The following PFKFB3 variants were observed in gnomAD, a reference collection of about 807,000 sequenced individuals.
PFKFB3 encodes 6-phosphofructo-2-kinase/fructose-2,6-bisphosphatase 3.
A neutral mutation model predicts 68.0 loss-of-function variants in PFKFB3; 33 were observed. That is an observed-to-expected ratio of 0.49 (90% CI 0.37 to 0.65). The LOEUF is 0.65. PFKFB3 is among the 30% of genes least tolerant of loss of function. PFKFB3 has a pLI of 0.00. For missense variants in PFKFB3, 586 were observed against 712.2 expected, an observed-to-expected ratio of 0.82 and a Z score of 2.02; for synonymous variants, 315 against 288.2, an observed-to-expected ratio of 1.09 and a Z score of -0.94.
rs12259164 is a variant in PFKFB3 at position 6,223,778 on chromosome 10, T to C, written c.1214-180T>C. Among the ~76,000 whole-genome samples, 957 of 152,280 alleles carry C rather than the reference T, an allele frequency of 6.3e-3. 7 individuals carry two copies. The highest frequency in any genetic ancestry group is 0.022 in the African/African-American group (920 of 41,574). On this transcript the variant is annotated intron_variant, in intron 11 of 14. Transcript: ENST00000379775. ...ATTATACGCATGTGCTACCACACCC[T>C]GGCTAATTTTGTATTTTTAGTAGAG...
chr10:6,226,874 A>G (rs1467347993), intron 14 of PFKFB3, among the ~76,000 whole-genome samples: 4 of 152,136 alleles, frequency 2.6e-5, no homozygotes, highest in Non-Finnish European at 4.4e-5. Flanking sequence ...TCACCTGAGG[A>G]CAAGAGTTCC....
the PFKFB3 span, among the ~76,000 whole-genome samples, chr10:6,321,507 C>T: frequency 6.6e-6 from 1 of 152,126 alleles, no homozygotes; most frequent in Non-Finnish European, 1.5e-5. Flanking sequence ...TTCCCTAAAC[C>T]CCAGCCATTG....
At chr10:6,156,161 G>GTGTA (rs1841784376) in intron 1 of PFKFB3, among the ~76,000 whole-genome samples, 1 of 148,318 alleles carries the variant, frequency 6.7e-6, no homozygotes, top group Non-Finnish European at 1.5e-5. Flanking sequence ...GTGTGTGTGT[G>GTGTA]TGTATTTTTA....
intron 1 of PFKFB3, among the ~76,000 whole-genome samples, chr10:6,184,669 A>G (rs1013027946): frequency 1.3e-5 from 2 of 149,718 alleles, no homozygotes; most frequent in African/African-American, 4.9e-5. Flanking sequence ...CGGGGGTTTT[A>G]CCACGTTGGC....
chr10:6,281,180 T>TATATATATATATATATATATAC, the PFKFB3 span, among the ~76,000 whole-genome samples: 8 of 133,368 alleles, frequency 6.0e-5, no homozygotes, highest in African/African-American at 1.8e-4. Flanking sequence ...TATATATATA[T>TATATATATATATATATATATAC]ATACACCACA....
In PFKFB3 at chr10:6,151,243, A is replaced by G. The variant is rs751875141; in HGVS notation, c.16+6230A>G. ...AGGGGGCGTGGCCCCAGGAGCATCC[A>G]AGGTTCTGGTTGGGGCAGCCACAAG... On this transcript the variant is annotated intron_variant, in intron 1 of 14. Coordinates refer to the PFKFB3 transcript ENST00000379789. 3.5e-4 allele frequency among the ~76,000 whole-genome samples: 54 copies of G among 152,212 alleles called. 1 individual carries two copies. Among genetic ancestry groups the G allele is most frequent in the Admixed American group, 1.2e-3 (18 of 15,294 alleles).
rs1845573395 is a variant in PFKFB3, at chr10:6,229,267, C to T, written c.1515+2902C>T. On this transcript the variant is annotated intron_variant, in intron 14 of 14. Coordinates refer to ENST00000379775, the MANE Select transcript of PFKFB3 (RefSeq NM_004566.4). The surrounding 1 kb of genome is among the most constrained non-coding windows in gnomAD (Gnocchi z 4.3). ...TCCTCCATGTCCACGTTCCTTAAGA[C>T]CACCCTGGGAGGTCGGCAGGGCAGT... is the stretch of plus-strand genomic sequence containing the variant. 2.2e-6 allele frequency: 1 copy of T among 452,556 alleles called. No individual in the cohort carries two copies. 28.0% of individuals were successfully genotyped at this position (452,556 alleles called of 1,614,324 possible). A position where few individuals can be genotyped will look rare whatever the true frequency, so the allele number is the denominator to read the frequency against.
At chr10:6,187,354 C>T (rs1339908413) in intron 1 of PFKFB3, among the ~76,000 whole-genome samples, 3 of 152,086 alleles carry the variant, frequency 2.0e-5, no homozygotes, top group African/African-American at 7.2e-5. Flanking sequence ...GAGTGATACT[C>T]CGTCTCAGAA....
At chr10:6,210,581 A>ACCTCGTGATCCGCCCGCC (rs1588486970) in intron 1 of PFKFB3, among the ~76,000 whole-genome samples, 2 of 52,538 alleles carry the variant, frequency 3.8e-5, no homozygotes, top group Non-Finnish European at 5.7e-5. Flanking sequence ...GATAGTCTTG[A>ACCTCGTGATCCGCCCGCC]TAGTGTTTTT....
At chr10:6,226,647 T>C (rs1258907245) in intron 14 of PFKFB3, among the ~76,000 whole-genome samples, 1 of 152,084 alleles carries the variant, frequency 6.6e-6, no homozygotes, top group African/African-American at 2.4e-5. Context: ...GAGGATGGGG[T>C]CTTTACAGGG....
At chr10:6,227,215 T>C (rs762937531) in intron 14 of PFKFB3, among the ~76,000 whole-genome samples, 5 of 152,238 alleles carry the variant, frequency 3.3e-5, no homozygotes, top group African/African-American at 4.8e-5. Context: ...TTCAGAAAAC[T>C]GGTCTTTTCC....
chr10:6,280,547 G>A, the PFKFB3 span, among the ~76,000 whole-genome samples: 1 of 152,204 alleles, frequency 6.6e-6, no homozygotes, highest in Non-Finnish European at 1.5e-5. Flanking sequence ...CTTTGTGTTA[G>A]ATGTGAGCAT....
intron 1 of PFKFB3, among the ~76,000 whole-genome samples, chr10:6,191,017 G>A (rs529374015): frequency 2.5e-4 from 38 of 152,034 alleles, no homozygotes; most frequent in Non-Finnish European, 4.9e-4. Context: ...GGGCTTAAGC[G>A]ATCCTCCCAG....
intron 1 of PFKFB3, among the ~76,000 whole-genome samples, chr10:6,169,736 GTCCCAGGGTGAAA>G (rs1423174190): frequency 6.6e-6 from 1 of 152,186 alleles, no homozygotes; most frequent in Non-Finnish European, 1.5e-5. Flanking sequence ...AAATGTTTAT[GTCCCAGGGTGAAA>G]TCCCAGCCCT....
At chr10:6,232,690 C>T (rs1464214213) in intron 14 of PFKFB3, among the ~76,000 whole-genome samples, 4 of 151,412 alleles carry the variant, frequency 2.6e-5, no homozygotes, top group Admixed American at 6.7e-5. Flanking sequence ...CTCTGAGACT[C>T]TGGGGTTATC....
intron 1 of PFKFB3, among the ~76,000 whole-genome samples, chr10:6,208,255 T>C (rs1588479751): frequency 6.6e-6 from 1 of 151,970 alleles, no homozygotes; most frequent in Non-Finnish European, 1.5e-5. Context: ...AAAATATTTT[T>C]GCACAAACGG....
chr10:6,242,863 C>T (rs950633957), intron 14 of PFKFB3, among the ~76,000 whole-genome samples: 2 of 152,360 alleles, frequency 1.3e-5, no homozygotes, highest in Admixed American at 1.3e-4. Context: ...GTTGGGATTA[C>T]AGGCGTGAGC....
At chr10:6,177,826 A>T (rs1443842984) in intron 1 of PFKFB3, among the ~76,000 whole-genome samples, 1 of 152,068 alleles carries the variant, frequency 6.6e-6, no homozygotes, top group Non-Finnish European at 1.5e-5. Flanking sequence ...CCTGGCCAGG[A>T]TGTTTCTGAT....
At chr10:6,240,084 A>G (rs371803570), downstream of PFKFB3, among the ~76,000 whole-genome samples, 4 of 152,322 alleles carry the variant, frequency 2.6e-5, no homozygotes, top group African/African-American at 9.6e-5. Context: ...GTTTGCTTAC[A>G]TTCACAATAG....
Sources: gnomAD v4.1 joint callset for allele counts (sites outside exome capture counted in the v4.1 genomes callset) on GRCh38, gnomAD v4.1.1 for gene constraint, Gnocchi (gnomAD v3.1) non-coding constraint, MANE v1.5 for transcripts, NCBI Gene and HGNC (gene_info 2026-07-23, HGNC 2026-07-21) for gene names.